The following TSPOAP1 variants were observed in gnomAD, a reference collection of about 807,000 sequenced individuals.
The protein encoded by TSPOAP1 is peripheral-type benzodiazepine receptor-associated protein 1.
A neutral mutation model predicts 197.0 loss-of-function variants in TSPOAP1; 87 were observed. The ratio of observed to expected loss-of-function variants is 0.44; its 90% CI spans 0.37 to 0.53. The LOEUF (loss-of-function observed/expected upper bound fraction) is 0.53. Ranked by LOEUF, TSPOAP1 falls within the 20% of genes least tolerant of loss-of-function variation. The pLI is 0.00. For missense variants in TSPOAP1, 2,174 were observed against 2,411.3 expected (o/e 0.90, Z 2.06); for synonymous variants, 913 against 998.9 (o/e 0.91, Z 1.62).
chr17:58,305,012 C>G, intron 30 of TSPOAP1, 49 bp downstream of exon 30: 1 of 1,405,062 alleles, frequency 7.1e-7, no homozygotes, highest in East Asian at 2.3e-5. Context: ...ACCACCCCAC[C>G]AGTAGGGTAG....
Position 58,311,172 on chromosome 17 carries a change from C to T in TSPOAP1, c.3123G>A (p.Val1041=). 1 of 1,611,828 alleles carries T rather than the reference C, an allele frequency of 6.2e-7. No individual in the cohort carries two copies. Among genetic ancestry groups the T allele is most frequent in the African/African-American group, 1.3e-5 (1 of 75,024 alleles). ...VASPTAGSVL[V]ELSQLQLLQV... is the part of the protein sequence containing the mutation. ...GCAGCAGCTGCAGCTGGGACAACTC[C>T]ACCAGTACACTGCCTGCCGTGGGTG... Residue 1041 remains valine (V), a synonymous_variant, in exon 19 of 32, where the codon GTG becomes GTA. Coordinates refer to ENST00000343736, the MANE Select transcript of TSPOAP1 (RefSeq NM_004758.4).
chr17:58,322,858 C>T lies in TSPOAP1; in HGVS notation c.1195-82G>A, dbSNP rs1464229842. ...CTCACAGGGGGAACAGTACCCTACC[C>T]CTGCTCAGGGGTGGAGGAGAAAGCC... On this transcript the variant is annotated intron_variant, in intron 8 of 31. Transcript: ENST00000343736. The surrounding 1 kb of genome is among the most constrained non-coding windows in gnomAD (Gnocchi z 5.0). 2 of 1,604,530 alleles carry T rather than the reference C, an allele frequency of 1.2e-6. No individual in the cohort carries two copies. The highest frequency in any genetic ancestry group is 1.3e-5 in the African/African-American group (1 of 74,692).
rs1336199689 is a variant in TSPOAP1 at position 58,324,839 on chromosome 17, C to T, written c.914G>A (p.Gly305Glu). ...PPGPALQARAGAPAPGAPGEA... is the reference protein window; with the variant it reads ...PPGPALQARAEAPAPGAPGEA... ...TCCCGGGGCCCCGGGAGCAGGCGCC[C>T]CTGCTCTGGCCTGGAGAGCAGGGCC... is the stretch of plus-strand genomic sequence containing the variant. Residue 305 changes from glycine (G) to glutamate (E), a missense_variant, in exon 5 of 32, where the codon GGG (glycine) becomes GAG (glutamate). Around this residue, in one of 5 missense-constraint regions of TSPOAP1, gnomAD observed 1,933 missense variants for 2,139.0 expected, o/e 0.90. Transcript: ENST00000343736. This position sits in a 1 kb window ranked among gnomAD's most constrained non-coding sequence, Gnocchi z 5.8. The T allele has an allele frequency of 6.6e-7, 1 of 1,504,922 alleles. No individual in the cohort carries two copies. The highest frequency in any genetic ancestry group is 8.9e-7 in the Non-Finnish European group (1 of 1,129,550). 93.2% of individuals were successfully genotyped at this position (1,504,922 alleles called of 1,614,324 possible).
In TSPOAP1 at chr17:58,312,488, A is replaced by C. The variant is rs769882439; in HGVS notation, c.2333T>G (p.Leu778Arg). The C allele has an allele frequency of 1.2e-6, 2 of 1,606,804 alleles. No homozygotes were observed. The highest frequency in any genetic ancestry group is 1.7e-6 in the Non-Finnish European group (2 of 1,176,560). ...GCCCAGGCCCTCCGGTGATGGGCTC[A>C]GACTGAGCTCGTCCCCTGCATCCTC... ...EEEDAGDELS[L>R]SPSPEGLGEP... Residue 778 changes from leucine to arginine, a missense_variant, in exon 17 of 32, where the codon CTG becomes CGG. Leu to Arg is a moderately radical substitution (Grantham distance 102). This residue lies in a region of TSPOAP1 where 1,933 missense variants were observed against 2,139.0 expected (regional missense o/e 0.90). Coordinates refer to ENST00000343736, the MANE Select transcript of TSPOAP1 (RefSeq NM_004758.4).
rs913873767 is a variant in TSPOAP1, at chr17:58,324,592, G to T, written c.942+219C>A. Among the ~76,000 whole-genome samples, 3 of 152,080 alleles carry T rather than the reference G, an allele frequency of 2.0e-5. No individual in the cohort carries two copies. Among genetic ancestry groups the T allele is most frequent in the Non-Finnish European group, 2.9e-5 (2 of 67,964 alleles). ...CGCTGGGCGCAGGCCTATGGAGGGCGGAACCCTGGAGCCCCCAGGGGAGGG... is the reference window on the plus strand; with the variant it reads ...CGCTGGGCGCAGGCCTATGGAGGGCTGAACCCTGGAGCCCCCAGGGGAGGG... On this transcript the variant is annotated intron_variant, in intron 5 of 31. Transcript: ENST00000343736. This position sits in a 1 kb window ranked among gnomAD's most constrained non-coding sequence, Gnocchi z 5.8.
chr17:58,322,879 A>C lies in TSPOAP1; in HGVS notation c.1194+71T>G. ...TACCCCTGCTCAGGGGTGGAGGAGAAAGCCCCTTGGCTGGGGACCGGGGCA... is the reference window on the plus strand; with the variant it reads ...TACCCCTGCTCAGGGGTGGAGGAGACAGCCCCTTGGCTGGGGACCGGGGCA... On this transcript the variant is annotated intron_variant, in intron 8 of 31. Coordinates refer to ENST00000343736, the MANE Select transcript of TSPOAP1 (RefSeq NM_004758.4). The surrounding 1 kb of genome is among the most constrained non-coding windows in gnomAD (Gnocchi z 5.0). 1.2e-6 allele frequency: 2 copies of C among 1,602,834 alleles called. No homozygotes were observed. The highest frequency in any genetic ancestry group is 1.7e-6 in the Non-Finnish European group (2 of 1,173,172).
At chr17:58,306,144 G>C (rs1005861885) in intron 26 of TSPOAP1, among the ~76,000 whole-genome samples, 198 bp downstream of exon 26, 2 of 152,138 alleles carry the variant, frequency 1.3e-5, no homozygotes, top group African/African-American at 4.8e-5. Flanking sequence ...CCCATGGGGG[G>C]AGGCAGGGGA....
chr17:58,322,323 G>T lies in TSPOAP1; in HGVS notation c.1407C>A (p.Val469=), dbSNP rs887679133. 1.9e-6 allele frequency: 3 copies of T among 1,603,564 alleles called. No individual in the cohort carries two copies. The highest frequency in any genetic ancestry group is 2.5e-6 in the Non-Finnish European group (3 of 1,179,944). Residue 469 remains valine (V), a synonymous_variant, in exon 10 of 32, where the codon GTC becomes GTA. Transcript: ENST00000343736. This position sits in a 1 kb window ranked among gnomAD's most constrained non-coding sequence, Gnocchi z 5.0. The part of the protein sequence containing the change: ...RLSLREKQEE[V]RRLQQAQAEA... ...GCCGCCCCACCTGCTGCAGTCTCCGGACCTCCTCCTGCTTCTCCCGTAGGC... is the reference window on the plus strand; with the variant it reads ...GCCGCCCCACCTGCTGCAGTCTCCGTACCTCCTCCTGCTTCTCCCGTAGGC...
chr17:58,311,228 G>T lies in TSPOAP1; in HGVS notation c.3082-15C>A, dbSNP rs1364876598. 5 of 1,608,772 alleles carry T rather than the reference G, an allele frequency of 3.1e-6. No individual in the cohort carries two copies. Among genetic ancestry groups the T allele is most frequent in the Non-Finnish European group, 2.5e-6 (3 of 1,179,120 alleles). ...ACCTCCATGATCTGCAGGGTGGAGG[G>T]GGCACAGGATGGGAAGCAGAGGCTG... is the stretch of plus-strand genomic sequence containing the variant. On this transcript the variant is annotated splice_polypyrimidine_tract_variant and intron_variant, in intron 18 of 31. Transcript: ENST00000343736.
rs367610899 is a variant in TSPOAP1 at position 58,311,586 on chromosome 17, G to C, written c.3066C>G (p.Tyr1022Ter). Residue 1022 changes from tyrosine to a stop codon, truncating the protein, a stop_gained, in exon 18 of 32, where the codon TAC becomes TAG. Transcript: ENST00000343736. LOFTEE classifies it high-confidence loss of function. ...AGGGCTATACCTTCTGCCCATCAGC[G>C]TAGATGGCATAGCCTGTGACCCGGA... ...NGVRVTGYAI[Y>*]ADGQKIMEVA... is the part of the protein sequence containing the mutation. The C allele has an allele frequency of 1.9e-6, 3 of 1,589,954 alleles. No individual in the cohort carries two copies. Among genetic ancestry groups the C allele is most frequent in the Non-Finnish European group, 2.6e-6 (3 of 1,165,120 alleles).
chr17:58,311,059 G>T lies in TSPOAP1; in HGVS notation c.3236C>A (p.Ala1079Asp). ...GACTCGGGCTGGCAGGCTGGCCGGA[G>T]CCAGGGCGGGAGTGATAGGAGCCGG... The part of the protein sequence containing the change: ...SIPAPITPAL[A>D]PASLPARVSC... Residue 1079 changes from alanine to aspartate, a missense_variant, in exon 19 of 32, where the codon GCT becomes GAT. By Grantham distance (126) the Ala-to-Asp change is moderately radical. Around this residue, in one of 5 missense-constraint regions of TSPOAP1, gnomAD observed 1,933 missense variants for 2,139.0 expected, o/e 0.90. Coordinates refer to ENST00000343736, the MANE Select transcript of TSPOAP1 (RefSeq NM_004758.4). 1.9e-6 allele frequency: 3 copies of T among 1,579,182 alleles called. No individual in the cohort carries two copies. The highest frequency in any genetic ancestry group is 2.6e-6 in the Non-Finnish European group (3 of 1,162,888).
In TSPOAP1 at chr17:58,322,840, G is replaced by A; in HGVS notation, c.1195-64C>T. ...CCTTGACCCACCAGCACCCTCACAG[G>A]GGGAACAGTACCCTACCCCTGCTCA... On this transcript the variant is annotated intron_variant, in intron 8 of 31. Coordinates refer to ENST00000343736, the MANE Select transcript of TSPOAP1 (RefSeq NM_004758.4). This position sits in a 1 kb window ranked among gnomAD's most constrained non-coding sequence, Gnocchi z 5.0. 6.2e-7 allele frequency: 1 copy of A among 1,607,908 alleles called. No individual in the cohort carries two copies. The highest frequency in any genetic ancestry group is 8.5e-7 in the Non-Finnish European group (1 of 1,176,594).
In TSPOAP1 at chr17:58,304,315, CA is replaced by C. The variant is rs932690295; in HGVS notation, c.*32+22del. On this transcript the variant is annotated intron_variant, in intron 31 of 31. Transcript: ENST00000343736. The surrounding 1 kb of genome is among the most constrained non-coding windows in gnomAD (Gnocchi z 4.2). Reference sequence around the variant, plus strand: ...GGTCAAGTGGGGGTGGACGGTCACACAGGGGGGCAGTCCCCCACTTACATGT... The same window carrying C: ...GGTCAAGTGGGGGTGGACGGTCACACGGGGGGCAGTCCCCCACTTACATGT... The C allele has an allele frequency of 1.9e-6, 3 of 1,601,370 alleles. No individual in the cohort carries two copies. The highest frequency in any genetic ancestry group is 2.6e-6 in the Non-Finnish European group (3 of 1,168,918).
chr17:58,302,269 C>A lies in TSPOAP1; in HGVS notation c.*211G>T, dbSNP rs1435427723. On this transcript the variant is annotated 3_prime_UTR_variant, in exon 32 of 32. Transcript: ENST00000343736. ...CTGCCTGCAGGATGGGCCACAGCTT[C>A]ACTCCTTCTTCCCAGAGCCCAGCCT... 1 of 1,289,504 alleles carries A rather than the reference C, an allele frequency of 7.8e-7. No homozygotes were observed. The highest frequency in any genetic ancestry group is 1.5e-5 in the African/African-American group (1 of 65,858). 79.9% of individuals were successfully genotyped at this position (1,289,504 alleles called of 1,614,324 possible).
rs146001914 is a variant in TSPOAP1 at position 58,308,543 on chromosome 17, G to C, written c.4729C>G (p.Arg1577Gly). The C allele has an allele frequency of 1.4e-5, 22 of 1,524,826 alleles. No individual in the cohort carries two copies. In the South Asian group the frequency reaches 2.3e-4, roughly 16 times the overall value. 94.5% of individuals were successfully genotyped at this position (1,524,826 alleles called of 1,614,324 possible). The change falls in exon 22 of 32, where the codon CGG becomes GGG. Residue 1577 changes from arginine (R) to glycine (G), a missense_variant and splice_region_variant. This residue lies in a region of TSPOAP1 where 1,933 missense variants were observed against 2,139.0 expected (regional missense o/e 0.90). Transcript: ENST00000343736. ...ATGRAKEPLS[R>G]ATETGEARGQ... ...CAGGGCGGGGAGTGAGCACGGACCC[G>C]GGAGAGTGGCTCCTTGGCTCTGCCC...
rs2143177463 is a variant in TSPOAP1 at position 58,328,116 on chromosome 17, C to T, written c.-196G>A. Reference sequence around the variant, plus strand: ...GGCGCCAGGGCTGCTGGAGCTGGAGCCAGGGGTATGTGAGCTATGTTTGCT... The same window carrying T: ...GGCGCCAGGGCTGCTGGAGCTGGAGTCAGGGGTATGTGAGCTATGTTTGCT... On this transcript the variant is annotated 5_prime_UTR_variant, in exon 1 of 32. Transcript: ENST00000343736. The surrounding 1 kb of genome is among the most constrained non-coding windows in gnomAD (Gnocchi z 4.3). The T allele has an allele frequency of 1.7e-6, 1 of 599,546 alleles. No individual in the cohort carries two copies. The highest frequency in any genetic ancestry group is 2.9e-6 in the Non-Finnish European group (1 of 339,308). The allele number at this position is 599,546 out of a possible 1,614,324, so 37.1% of individuals were successfully genotyped here. A position where few individuals can be genotyped will look rare whatever the true frequency, so the allele number is the denominator to read the frequency against.
Position 58,304,466 on chromosome 17 carries a change from CA to C in TSPOAP1, c.5545-68del, listed in dbSNP as rs1970814725. 7.1e-7 allele frequency: 1 copy of C among 1,401,148 alleles called. No individual in the cohort carries two copies. The highest frequency in any genetic ancestry group is 1.0e-6 in the Non-Finnish European group (1 of 986,556). 86.8% of individuals were successfully genotyped at this position (1,401,148 alleles called of 1,614,324 possible). A position where few individuals can be genotyped will look rare whatever the true frequency, so the allele number is the denominator to read the frequency against. ...ACCCGCACCTTCTCCGCCCGGCCAC[CA>C]GGTGGCCCTGCGCAGGGGTGGGCCC... is the stretch of plus-strand genomic sequence containing the variant. On this transcript the variant is annotated intron_variant, in intron 30 of 31. Transcript: ENST00000343736. This position sits in a 1 kb window ranked among gnomAD's most constrained non-coding sequence, Gnocchi z 4.2.
chr17:58,326,767 C>G lies in TSPOAP1; in HGVS notation c.357G>C (p.Gly119=), dbSNP rs1176605225. The G allele has an allele frequency of 6.2e-7, 1 of 1,613,940 alleles. No individual in the cohort carries two copies. Among genetic ancestry groups the G allele is most frequent in the African/African-American group, 1.3e-5 (1 of 74,914 alleles). Residue 119 remains glycine (G), a synonymous_variant, in exon 2 of 32, where the codon GGG becomes GGC. Transcript: ENST00000343736. This position sits in a 1 kb window ranked among gnomAD's most constrained non-coding sequence, Gnocchi z 4.7. ...TCAGCAGCTCCAGATTGGGCCTGTCCCCAAAGCTCATATTCAGCTTGGCCT... is the reference window on the plus strand; with the variant it reads ...TCAGCAGCTCCAGATTGGGCCTGTCGCCAAAGCTCATATTCAGCTTGGCCT... The part of the protein sequence containing the change: ...FLKAKLNMSF[G]DRPNLELLRA...
At position 58,306,496 on chromosome 17, in the gene TSPOAP1, G is replaced by A. The variant is rs191010956; in HGVS notation, c.5153-83C>T. On this transcript the variant is annotated intron_variant, in intron 25 of 31. Transcript: ENST00000343736. ...GACTCTGGAGTTTCCTCTCAGGGCC[G>A]TGCTAGGTTACTGAGCTTGTTTCGT... is the stretch of plus-strand genomic sequence containing the variant. 377 of 1,286,468 alleles carry A rather than the reference G, an allele frequency of 2.9e-4. 2 individuals are homozygous for A. In the East Asian group the frequency reaches 7.3e-3, roughly 25 times the overall value. The allele number at this position is 1,286,468 out of a possible 1,614,324, so 79.7% of individuals were successfully genotyped here. A position where few individuals can be genotyped will look rare whatever the true frequency, so the allele number is the denominator to read the frequency against.
Sources: allele counts gnomAD v4.1 joint callset (sites outside exome capture counted in the v4.1 genomes callset), GRCh38; gene constraint gnomAD v4.1.1; regional missense constraint gnomAD v4.1.1; non-coding constraint Gnocchi (gnomAD v3.1); transcripts MANE v1.5; gene names NCBI Gene and HGNC (gene_info 2026-07-23, HGNC 2026-07-21).